The following MCU variants were observed in gnomAD, a reference collection of about 807,000 sequenced individuals.
MCU encodes the protein mitochondrial calcium uniporter.
MCU carries 12 observed loss-of-function variants against 45.2 expected under a neutral mutation model. That is an observed-to-expected ratio of 0.27 (90% CI 0.17 to 0.43). MCU has a LOEUF of 0.43. Among genes scored for constraint, MCU ranks in the 20% least tolerant of loss-of-function variants. The pLI, the probability that MCU is intolerant of heterozygous loss-of-function variation, is 1.00. For missense variants in MCU, 324 were observed against 436.7 expected (o/e 0.74, Z 2.30); for synonymous variants, 160 against 165.1 (o/e 0.97, Z 0.24).
chr10:72,817,692 C>A (rs1333576411), intron 1 of MCU, among the ~76,000 whole-genome samples: 1 of 152,208 alleles, frequency 6.6e-6, no homozygotes, highest in Non-Finnish European at 1.5e-5. Flanking sequence ...TCAAGCAATT[C>A]TCCTACCTCA....
chr10:72,801,334 T>C (rs1057041345), intron 1 of MCU, among the ~76,000 whole-genome samples: 13 of 151,668 alleles, frequency 8.6e-5, no homozygotes, highest in Non-Finnish European at 4.4e-5. Context: ...TCCTAGATAG[T>C]ATTAACTCAT....
At chr10:72,762,603 T>G (rs1843670633) in intron 1 of MCU, among the ~76,000 whole-genome samples, 1 of 152,160 alleles carries the variant, frequency 6.6e-6, no homozygotes. Context: ...AAGAAAAATG[T>G]TTTAATTATA....
chr10:72,778,344 T>C (rs1297186866), intron 1 of MCU, among the ~76,000 whole-genome samples: 1 of 152,152 alleles, frequency 6.6e-6, no homozygotes, highest in East Asian at 1.9e-4. Flanking sequence ...TTACTCAGCC[T>C]TAAAAAGGAA....
At chr10:72,857,633 A>G (rs561044941) in intron 2 of MCU, among the ~76,000 whole-genome samples, 86 of 152,288 alleles carry the variant, frequency 5.6e-4, no homozygotes, top group African/African-American at 2.0e-3. Context: ...ATTTGACTCC[A>G]AAGCCTGTTT....
At chr10:72,747,216 CTGTTG>C (rs1843426593) in intron 1 of MCU, among the ~76,000 whole-genome samples, 1 of 152,184 alleles carries the variant, frequency 6.6e-6, no homozygotes, top group Admixed American at 6.5e-5. Context: ...CCAGAATCCA[CTGTTG>C]TGTTGTTTGC....
At chr10:72,813,827 GAAAC>G (rs1397907232) in intron 1 of MCU, among the ~76,000 whole-genome samples, 3 of 151,542 alleles carry the variant, frequency 2.0e-5, no homozygotes, top group African/African-American at 4.9e-5. Flanking sequence ...TCCTGACTGT[GAAAC>G]AACACGATTG....
intron 1 of MCU, among the ~76,000 whole-genome samples, chr10:72,822,671 G>A (rs1844731617): frequency 1.3e-5 from 2 of 152,034 alleles, no homozygotes; most frequent in Admixed American, 6.6e-5. Context: ...ACTAAGATAG[G>A]TATAATCAAA....
intron 1 of MCU, among the ~76,000 whole-genome samples, chr10:72,761,765 G>T (rs1015535401): frequency 1.3e-5 from 2 of 152,078 alleles, no homozygotes; most frequent in African/African-American, 4.8e-5. Flanking sequence ...GTATATAGTG[G>T]TGAATTCTGA....
chr10:72,814,968 C>T (rs1844603460), intron 1 of MCU, among the ~76,000 whole-genome samples: 1 of 152,082 alleles, frequency 6.6e-6, no homozygotes, highest in Non-Finnish European at 1.5e-5. Flanking sequence ...GTGAAAAACA[C>T]ATCAGAAATA....
intron 1 of MCU, among the ~76,000 whole-genome samples, chr10:72,716,119 T>C (rs113565732): frequency 0.019 from 2,865 of 152,320 alleles, 80 homozygotes; most frequent in African/African-American, 0.065. Flanking sequence ...TGTTTACAGA[T>C]TGTCTGTGGT....
At chr10:72,771,494 TAAAC>T (rs1324753554) in intron 1 of MCU, among the ~76,000 whole-genome samples, 2 of 152,184 alleles carry the variant, frequency 1.3e-5, no homozygotes. Flanking sequence ...AGTGCTGAAA[TAAAC>T]ATAGATGTAC....
intron 1 of MCU, among the ~76,000 whole-genome samples, chr10:72,754,415 T>G (rs547515993): frequency 1.3e-5 from 2 of 152,310 alleles, no homozygotes; most frequent in South Asian, 4.1e-4. Context: ...CATCAGTATT[T>G]TCCTCCTTCT....
At chr10:72,734,042 A>G (rs955913725) in intron 1 of MCU, among the ~76,000 whole-genome samples, 3 of 152,186 alleles carry the variant, frequency 2.0e-5, no homozygotes, top group Non-Finnish European at 2.9e-5. Context: ...GGAAATTACA[A>G]GTAAGAACTA....
chr10:72,874,482 A>G (rs1338751928), intron 6 of MCU, among the ~76,000 whole-genome samples: 1 of 152,222 alleles, frequency 6.6e-6, no homozygotes, highest in East Asian at 1.9e-4. Flanking sequence ...TATGGCTGCT[A>G]TTGAACATAC....
At chr10:72,856,277 G>A (rs986560459) in intron 2 of MCU, among the ~76,000 whole-genome samples, 1 of 152,118 alleles carries the variant, frequency 6.6e-6, no homozygotes, top group African/African-American at 2.4e-5. Flanking sequence ...GAATTTGGGG[G>A]AATCATAGAA....
intron 1 of MCU, among the ~76,000 whole-genome samples, chr10:72,735,301 T>C (rs896942529): frequency 6.6e-6 from 1 of 152,148 alleles, no homozygotes; most frequent in Non-Finnish European, 1.5e-5. Context: ...GTTATCAGAC[T>C]GAAAGAATTG....
intron 1 of MCU, among the ~76,000 whole-genome samples, chr10:72,826,392 A>C (rs1308134033): frequency 2.0e-5 from 3 of 152,224 alleles, no homozygotes; most frequent in Admixed American, 2.0e-4. Flanking sequence ...CACCAAACCA[A>C]AATAAAATAT....
chr10:72,874,006 T>C (rs1436650481), intron 6 of MCU, among the ~76,000 whole-genome samples: 1 of 152,230 alleles, frequency 6.6e-6, no homozygotes, highest in Admixed American at 6.5e-5. Context: ...ACTGTAGCTT[T>C]GTAGTAAATT....
intron 1 of MCU, among the ~76,000 whole-genome samples, chr10:72,783,017 G>A (rs1175609857): frequency 1.3e-5 from 2 of 152,172 alleles, no homozygotes; most frequent in Non-Finnish European, 2.9e-5. Flanking sequence ...AGGAAAATGC[G>A]AAGGGAGTTT....
Sources: allele counts gnomAD v4.1 joint callset (sites outside exome capture counted in the v4.1 genomes callset), GRCh38; gene constraint gnomAD v4.1.1; transcripts MANE v1.5; gene names NCBI Gene and HGNC (gene_info 2026-07-23, HGNC 2026-07-21).